Variants in ECT2L observed in about 807,000 individuals in gnomAD.
ECT2L encodes the protein epithelial cell transforming 2 like.
In ECT2L, 126 loss-of-function variants were observed where a neutral mutation model predicts 122.8. The observed-to-expected ratio is 1.03, with a 90% CI of 0.89 to 1.19. ECT2L has a LOEUF of 1.19. ECT2L is among the 50% of genes most tolerant of loss of function. The pLI, the probability that ECT2L is intolerant of heterozygous loss-of-function variation, is 0.00. For synonymous variants in ECT2L, 385 were observed against 381.8 expected, an observed-to-expected ratio of 1.01 and a Z score of -0.10; for missense variants, 1,012 against 1,064.1, an observed-to-expected ratio of 0.95 and a Z score of 0.68.
At chr6:138,896,662 T>C (rs1779224804) in intron 20 of ECT2L, among the ~76,000 whole-genome samples, 1 of 152,172 alleles carries the variant, frequency 6.6e-6, no homozygotes, top group Non-Finnish European at 1.5e-5. Flanking sequence ...TGAAACTCTC[T>C]TTTTGAGAGA....
intron 1 of ECT2L, among the ~76,000 whole-genome samples, chr6:138,811,712 G>T (rs1013694719): frequency 6.6e-6 from 1 of 152,218 alleles, no homozygotes; most frequent in South Asian, 2.1e-4. Context: ...CGCTGTCAGT[G>T]ATGGATGTCA....
intron 10 of ECT2L, among the ~76,000 whole-genome samples, chr6:138,854,491 C>A (rs930962704): frequency 6.6e-6 from 1 of 152,106 alleles, no homozygotes; most frequent in Non-Finnish European, 1.5e-5. Flanking sequence ...CGAGAAAACA[C>A]CCCCTGCCGC....
chr6:138,859,819 T>TC (rs1388700633), intron 10 of ECT2L, among the ~76,000 whole-genome samples: 3 of 151,138 alleles, frequency 2.0e-5, no homozygotes, highest in Admixed American at 1.3e-4. Context: ...TCTTTTTTTT[T>TC]TTCTTCTTTT....
At chr6:138,866,111 G>C (rs1778027246) in intron 12 of ECT2L, among the ~76,000 whole-genome samples, 2 of 150,264 alleles carry the variant, frequency 1.3e-5, no homozygotes, top group South Asian at 4.2e-4. Context: ...TTTTAAAATG[G>C]TTATGAAGTT....
intron 4 of ECT2L, among the ~76,000 whole-genome samples, chr6:138,826,200 C>T (rs1209234187): frequency 6.6e-6 from 1 of 152,168 alleles, no homozygotes; most frequent in Non-Finnish European, 1.5e-5. Flanking sequence ...TATTCCAATT[C>T]TCTCAGCTCT....
intron 16 of ECT2L, among the ~76,000 whole-genome samples, chr6:138,883,122 C>T (rs953120027): frequency 3.9e-5 from 6 of 152,168 alleles, no homozygotes; most frequent in Non-Finnish European, 8.8e-5. Context: ...CTTTCACCTG[C>T]CCCAGATACC....
chr6:138,825,955 G>A (rs1323063553), intron 4 of ECT2L, among the ~76,000 whole-genome samples: 2 of 152,114 alleles, frequency 1.3e-5, no homozygotes, highest in Admixed American at 1.3e-4. Flanking sequence ...TTCTCCCCCT[G>A]CCTTAGTCAA....
intron 3 of ECT2L, among the ~76,000 whole-genome samples, chr6:138,813,993 A>G (rs1439280143): frequency 2.0e-5 from 3 of 152,072 alleles, no homozygotes; most frequent in African/African-American, 4.8e-5. Flanking sequence ...CCCTAGAGAC[A>G]TGTCTCTGTT....
chr6:138,849,510 G>A, intron 9 of ECT2L, 76 bp downstream of exon 9: 1 of 1,427,312 alleles, frequency 7.0e-7, no homozygotes, highest in Non-Finnish European at 9.3e-7. Flanking sequence ...GACTTCCGGA[G>A]GACTATCTCA....
chr6:138,813,381 A>G (rs1043300433), intron 3 of ECT2L, 41 bp downstream of exon 3: 5 of 1,503,436 alleles, frequency 3.3e-6, no homozygotes, highest in Admixed American at 2.0e-5. Flanking sequence ...TTAATTCGTA[A>G]GGTTAATTTT....
At chr6:138,839,267 G>A (rs1395318038) in intron 5 of ECT2L, among the ~76,000 whole-genome samples, 1 of 152,040 alleles carries the variant, frequency 6.6e-6, no homozygotes, top group Admixed American at 6.6e-5. Flanking sequence ...AGCAGCAGCT[G>A]TTTAAAATCA....
chr6:138,884,555 T>G (rs932437367), intron 16 of ECT2L, among the ~76,000 whole-genome samples: 1 of 151,982 alleles, frequency 6.6e-6, no homozygotes, highest in African/African-American at 2.4e-5. Flanking sequence ...GGAGAATCGC[T>G]TGAACCTGGG....
intron 20 of ECT2L, among the ~76,000 whole-genome samples, chr6:138,896,410 T>C (rs145422490): frequency 1.3e-5 from 2 of 152,314 alleles, no homozygotes; most frequent in African/African-American, 4.8e-5. Flanking sequence ...AGATACACTG[T>C]AAACTTTCCT....
chr6:138,864,613 G>A (rs1349186980), intron 11 of ECT2L, among the ~76,000 whole-genome samples: 2 of 152,226 alleles, frequency 1.3e-5, no homozygotes, highest in Non-Finnish European at 2.9e-5. Context: ...CCAATGGCCT[G>A]ATGGGGAAGC....
intron 13 of ECT2L, chr6:138,870,080 T>C (rs1778196593): frequency 6.6e-6 from 1 of 152,486 alleles, no homozygotes; most frequent in Non-Finnish European, 1.5e-5. Context: ...GGTAGAAAGC[T>C]GAAATCCCTG....
At chr6:138,900,566 C>A (rs1187627899) in intron 20 of ECT2L, among the ~76,000 whole-genome samples, 1 of 152,110 alleles carries the variant, frequency 6.6e-6, no homozygotes, top group African/African-American at 2.4e-5. Context: ...AAAGGTGAAA[C>A]AAAACAAAGA....
rs148887856 is a variant in ECT2L at position 138,879,905 on chromosome 6, A to T, written c.1666-1052A>T. On this transcript the variant is annotated intron_variant, in intron 14 of 21. Coordinates refer to ENST00000541398, the MANE Select transcript of ECT2L (RefSeq NM_001077706.3). ...GAGGCGGAGGTTGCAGTGAGCTGAG[A>T]TCACACCACTGCACTCCAGCCTGGA... 1.1e-4 allele frequency among the ~76,000 whole-genome samples: 17 copies of T among 152,310 alleles called. No homozygotes were observed. The East Asian group carries it at 3.3e-3, about 29-fold the overall frequency.
At chr6:138,899,590 A>G (rs1779328442) in intron 20 of ECT2L, among the ~76,000 whole-genome samples, 1 of 152,162 alleles carries the variant, frequency 6.6e-6, no homozygotes, top group African/African-American at 2.4e-5. Flanking sequence ...AATAAAAGCC[A>G]ATAGCAGGGA....
At chr6:138,837,902 CTT>C (rs10708786) in intron 4 of ECT2L, among the ~76,000 whole-genome samples, 5,414 of 140,636 alleles carry the variant, frequency 0.038, 106 homozygotes, top group African/African-American at 0.06. Context: ...AAAGTGAATA[CTT>C]TTTTTTTTTT....
Sources: allele counts gnomAD v4.1 joint callset (sites outside exome capture counted in the v4.1 genomes callset), GRCh38; gene constraint gnomAD v4.1.1; transcripts MANE v1.5; gene names NCBI Gene and HGNC (gene_info 2026-07-23, HGNC 2026-07-21).